The following UNC5A variants were observed in gnomAD, a reference collection of about 807,000 sequenced individuals.
The protein encoded by UNC5A is unc-5 netrin receptor A, also known as netrin receptor UNC5A.
UNC5A carries 20 observed loss-of-function variants against 87.4 expected under a neutral mutation model. That is an observed-to-expected ratio of 0.23 (90% CI 0.16 to 0.33). The LOEUF is 0.33. Among genes scored for constraint, UNC5A ranks in the 10% least tolerant of loss-of-function variants. UNC5A has a pLI of 1.00. For synonymous variants in UNC5A, 438 were observed against 482.3 expected (o/e 0.91, Z 1.20); for missense variants, 844 against 1,133.4 (o/e 0.74, Z 3.67).
intron 1 of UNC5A, among the ~76,000 whole-genome samples, chr5:176,855,978 G>A (rs1581264275): frequency 1.3e-5 from 2 of 152,142 alleles, no homozygotes; most frequent in South Asian, 2.1e-4. Flanking sequence ...CAGGGCGGAC[G>A]GCGCCCGCCA....
At chr5:176,831,928 A>C (rs1449656458) in intron 1 of UNC5A, among the ~76,000 whole-genome samples, 9 of 108,594 alleles carry the variant, frequency 8.3e-5, no homozygotes, top group Admixed American at 1.3e-4. Flanking sequence ...ACAGAGTCTC[A>C]CTCTGTTGCC....
chr5:176,865,536 G>T lies in UNC5A; in HGVS notation c.293-2594G>T. 2.2e-6 allele frequency: 1 copy of T among 454,604 alleles called. No homozygotes were observed. The allele number at this position is 454,604 out of a possible 1,614,324, so 28.2% of individuals were successfully genotyped here. A position where few individuals can be genotyped will look rare whatever the true frequency, so the allele number is the denominator to read the frequency against. Reference sequence around the variant, plus strand: ...GGGTCCTCTTCTGCCCCGAGCATCCGACTCCAGCCTCCCATGGCCGGAACA... The same window carrying T: ...GGGTCCTCTTCTGCCCCGAGCATCCTACTCCAGCCTCCCATGGCCGGAACA... On this transcript the variant is annotated intron_variant, in intron 2 of 14. Coordinates refer to ENST00000329542, the MANE Select transcript of UNC5A (RefSeq NM_133369.3). This position sits in a 1 kb window ranked among gnomAD's most constrained non-coding sequence, Gnocchi z 5.3.
chr5:176,832,001 A>T (rs1037635967), intron 1 of UNC5A, among the ~76,000 whole-genome samples: 2 of 145,834 alleles, frequency 1.4e-5, no homozygotes, highest in Admixed American at 1.4e-4. Flanking sequence ...GGCTCAAGTG[A>T]TTCTCATGCC....
rs1756426135 is a variant in UNC5A at position 176,810,669 on chromosome 5, G to A, written c.-82G>A. ...ATGGGCCCCGGGGGCGCCCCGAGCT[G>A]GGGCTCCGGGCTGAGGCGCTAAAGC... On this transcript the variant is annotated 5_prime_UTR_variant, in exon 1 of 15. It introduces an in-frame stop codon into an upstream open reading frame of the 5' UTR. Transcript: ENST00000329542. This position sits in a 1 kb window ranked among gnomAD's most constrained non-coding sequence, Gnocchi z 7.3. 1.1e-5 allele frequency: 5 copies of A among 469,856 alleles called. No individual in the cohort carries two copies. The highest frequency in any genetic ancestry group is 6.4e-5 in the Admixed American group (1 of 15,578). The allele number at this position is 469,856 out of a possible 1,614,324, so 29.1% of individuals were successfully genotyped here.
At chr5:176,870,666 GATCCCCCTC>G in intron 6 of UNC5A, 132 bp downstream of exon 6, 1 of 1,058,410 alleles carries the variant, frequency 9.4e-7, no homozygotes, top group Non-Finnish European at 1.3e-6. Flanking sequence ...GACCCACTGA[GATCCCCCTC>G]ATCCTTAGCA....
Position 176,838,054 on chromosome 5 carries a change from C to G in UNC5A, c.71-24570C>G, listed in dbSNP as rs1757188131. 1.3e-5 allele frequency among the ~76,000 whole-genome samples: 2 copies of G among 152,198 alleles called. No homozygotes were observed. The highest frequency in any genetic ancestry group is 2.4e-5 in the African/African-American group (1 of 41,446). On this transcript the variant is annotated intron_variant, in intron 1 of 14. Transcript: ENST00000329542. The surrounding 1 kb of genome is among the most constrained non-coding windows in gnomAD (Gnocchi z 4.2). ...TAGTCAAAAACTTGCCCTTTGGAGC[C>G]TCCATTCTTTGTGGTGGGGACTCCC...
At chr5:176,814,777 A>T (rs1756548760) in intron 1 of UNC5A, among the ~76,000 whole-genome samples, 1 of 152,124 alleles carries the variant, frequency 6.6e-6, no homozygotes, top group Non-Finnish European at 1.5e-5. Context: ...ACTTGCTCTG[A>T]GTCACTGCCA....
intron 1 of UNC5A, among the ~76,000 whole-genome samples, chr5:176,812,190 G>A (rs1235578491): frequency 3.3e-5 from 5 of 152,198 alleles, no homozygotes; most frequent in Non-Finnish European, 1.5e-5. Context: ...TCCGCCACAT[G>A]TGTGTGTTAG....
chr5:176,868,867 G>T lies in UNC5A; in HGVS notation c.624G>T (p.Val208=). The T allele has an allele frequency of 6.2e-7, 1 of 1,612,948 alleles. No individual in the cohort carries two copies. The highest frequency in any genetic ancestry group is 8.5e-7 in the Non-Finnish European group (1 of 1,179,890). The change falls in exon 5 of 15, where the codon GTG becomes GTT. Residue 208 remains valine (V), a synonymous_variant. Transcript: ENST00000329542. ...VYITREHSLV[V]RQARLADTAN... is the part of the protein sequence containing the mutation. ...TCACGCGGGAGCACAGCCTGGTGGT[G>T]CGACAGGCCCGCCTTGCTGACACGG... is the stretch of plus-strand genomic sequence containing the variant.
intron 1 of UNC5A, among the ~76,000 whole-genome samples, chr5:176,860,346 G>A (rs114776540): frequency 0.026 from 4,034 of 152,300 alleles, 75 homozygotes; most frequent in African/African-American, 0.056. Flanking sequence ...AGCGGCCCTC[G>A]GGCCAGCAGC....
chr5:176,820,257 C>T (rs1176308903), intron 1 of UNC5A, among the ~76,000 whole-genome samples: 3 of 152,114 alleles, frequency 2.0e-5, no homozygotes, highest in East Asian at 1.9e-4. Flanking sequence ...ATTAGCCAGG[C>T]GTGGTGGCGG....
chr5:176,831,258 A>AAT (rs576379547), intron 1 of UNC5A, among the ~76,000 whole-genome samples: 105 of 152,292 alleles, frequency 6.9e-4, no homozygotes, highest in African/African-American at 2.5e-3. Context: ...CTTTCATGTT[A>AAT]ATGGACTGCC....
chr5:176,868,003 T>A lies in UNC5A; in HGVS notation c.293-127T>A, dbSNP rs183544132. 7.6e-3 allele frequency: 4,341 copies of A among 571,594 alleles called. 86 individuals carry two copies. The highest frequency in any genetic ancestry group is 0.064 in the African/African-American group (3,031 of 47,454). The allele number at this position is 571,594 out of a possible 1,614,324, so 35.4% of individuals were successfully genotyped here. On this transcript the variant is annotated intron_variant, in intron 2 of 14. Coordinates refer to ENST00000329542, the MANE Select transcript of UNC5A (RefSeq NM_133369.3). ...CTTAAAATATAATAATAATAAAATT[T>A]AAAAAAAAAAAAACAAAGTCCACTC...
intron 1 of UNC5A, among the ~76,000 whole-genome samples, chr5:176,850,967 T>C (rs1044538777): frequency 6.7e-6 from 1 of 149,872 alleles, no homozygotes; most frequent in African/African-American, 2.5e-5. Flanking sequence ...CTCCCAGGAC[T>C]TCCCAGTGCT....
chr5:176,850,370 T>C (rs1757513927), intron 1 of UNC5A, among the ~76,000 whole-genome samples: 1 of 151,946 alleles, frequency 6.6e-6, no homozygotes, highest in African/African-American at 2.4e-5. Flanking sequence ...AATAGCGAGG[T>C]TGAGGACGGC....
chr5:176,823,677 A>C (rs1174225175), intron 1 of UNC5A, among the ~76,000 whole-genome samples: 1 of 150,846 alleles, frequency 6.6e-6, no homozygotes, highest in Non-Finnish European at 1.5e-5. Flanking sequence ...GAGCCTCCAC[A>C]GGGGGGCTCT....
At chr5:176,813,422 G>A (rs942216018) in intron 1 of UNC5A, among the ~76,000 whole-genome samples, 4 of 152,184 alleles carry the variant, frequency 2.6e-5, no homozygotes, top group South Asian at 2.1e-4. Context: ...TGTCCACCCC[G>A]ACACTTGGGA....
At chr5:176,820,613 T>G (rs1258795989) in intron 1 of UNC5A, among the ~76,000 whole-genome samples, 1 of 152,218 alleles carries the variant, frequency 6.6e-6, no homozygotes, top group African/African-American at 2.4e-5. Flanking sequence ...GGGAAGCTGG[T>G]CTGGCGTGAC....
chr5:176,877,433 C>G lies in UNC5A; in HGVS notation c.1467-102C>G, dbSNP rs979775740. 4.2e-6 allele frequency: 6 copies of G among 1,423,128 alleles called. No homozygotes were observed. The African/African-American group carries it at 8.6e-5, about 20-fold the overall frequency. 88.2% of individuals were successfully genotyped at this position (1,423,128 alleles called of 1,614,324 possible). On this transcript the variant is annotated intron_variant, in intron 9 of 14. Transcript: ENST00000329542. The stretch of plus-strand genomic sequence containing the variant: ...CCCACGTGGTCCTGCAGCCCAAGCC[C>G]CTGGCCCCTGGGATGCTGCTGCCCT...
Sources: allele counts gnomAD v4.1 joint callset (sites outside exome capture counted in the v4.1 genomes callset), GRCh38; gene constraint gnomAD v4.1.1; non-coding constraint Gnocchi (gnomAD v3.1); transcripts MANE v1.5; gene names NCBI Gene and HGNC (gene_info 2026-07-23, HGNC 2026-07-21).